The following DDX25 variants were observed in gnomAD, a reference collection of about 807,000 sequenced individuals.
DDX25 encodes the protein ATP-dependent RNA helicase DDX25.
Under a neutral mutation model 64.6 loss-of-function variants are expected in DDX25, and 70 were observed. The ratio of observed to expected loss-of-function variants is 1.08; its 90% CI spans 0.89 to 1.32. The LOEUF (loss-of-function observed/expected upper bound fraction) is 1.32, where lower values mean the gene tolerates loss of function less well. Ranked by LOEUF, DDX25 falls within the 40% of genes most tolerant of loss-of-function variation. The pLI, the probability that DDX25 is intolerant of heterozygous loss-of-function variation, is 0.00. For synonymous variants in DDX25, 211 were observed against 213.3 expected (o/e 0.99, Z 0.09); for missense variants, 587 against 604.4 (o/e 0.97, Z 0.30).
rs908659005 is a variant in DDX25, at chr11:125,921,656, C to T, written c.1390+277C>T. The T allele has an allele frequency of 4.6e-5, 14 of 304,932 alleles. No individual in the cohort carries two copies. In the East Asian group the frequency reaches 6.1e-4, roughly 13 times the overall value. The allele number at this position is 304,932 out of a possible 1,614,324, so 18.9% of individuals were successfully genotyped here. On this transcript the variant is annotated intron_variant, in intron 11 of 11. Transcript: ENST00000263576. The surrounding 1 kb of genome is among the most constrained non-coding windows in gnomAD (Gnocchi z 4.1). Reference sequence around the variant, plus strand: ...CTGTAATCCCAGCACTTTGGGAGGCCGAGGTGGTCAGATCATGAGGTCAGG... The same window carrying T: ...CTGTAATCCCAGCACTTTGGGAGGCTGAGGTGGTCAGATCATGAGGTCAGG...
intron 7 of DDX25, among the ~76,000 whole-genome samples, chr11:125,910,730 T>A (rs1944955466): frequency 6.6e-6 from 1 of 152,198 alleles, no homozygotes; most frequent in African/African-American, 2.4e-5. Flanking sequence ...TGTCCGTAAT[T>A]CAACACTTGG....
At chr11:125,905,646 T>G in intron 3 of DDX25, 49 bp downstream of exon 3, 1 of 1,515,370 alleles carries the variant, frequency 6.6e-7, no homozygotes, top group Non-Finnish European at 9.0e-7. Flanking sequence ...CTGTTTCCGT[T>G]TATAACTTTA....
intron 7 of DDX25, 95 bp from the exon 8 acceptor site, chr11:125,911,216 T>C: frequency 8.7e-7 from 1 of 1,152,112 alleles, no homozygotes; most frequent in Non-Finnish European, 1.1e-6. Context: ...ACAAACTGTA[T>C]TTTTGCTTAT....
chr11:125,921,576 T>G lies in DDX25; in HGVS notation c.1390+197T>G, dbSNP rs927981366. 1 of 609,394 alleles carries G rather than the reference T, an allele frequency of 1.6e-6. No homozygotes were observed. Among genetic ancestry groups the G allele is most frequent in the Non-Finnish European group, 2.7e-6 (1 of 371,034 alleles). The allele number at this position is 609,394 out of a possible 1,614,324, so 37.7% of individuals were successfully genotyped here. On this transcript the variant is annotated intron_variant, in intron 11 of 11. Transcript: ENST00000263576. The surrounding 1 kb of genome is among the most constrained non-coding windows in gnomAD (Gnocchi z 4.1). The stretch of plus-strand genomic sequence containing the variant: ...ATAATGCTTATATGGTAATTAAAAA[T>G]TATTTTGATCAAGCAGAATTAATAT...
chr11:125,910,468 A>T lies in DDX25; in HGVS notation c.612A>T (p.Arg204=), dbSNP rs768141649. The T allele has an allele frequency of 6.2e-7, 1 of 1,613,940 alleles. No homozygotes were observed. The highest frequency in any genetic ancestry group is 8.5e-7 in the Non-Finnish European group (1 of 1,179,846). The change falls in exon 7 of 12, where the codon CGA becomes CGT. Residue 204 remains arginine, a synonymous_variant. Transcript: ENST00000263576. ...CVDVQVMYAI[R]GNRIPRGTDI... ...ATGTTCAAGTGATGTATGCCATTCGAGGGAATCGAAGTATGTACCAGTAAG... is the reference window on the plus strand; with the variant it reads ...ATGTTCAAGTGATGTATGCCATTCGTGGGAATCGAAGTATGTACCAGTAAG...
rs1356796795 is a variant in DDX25, at chr11:125,923,260, G to GA, written c.*384dup. The GA allele has an allele frequency of 5.8e-6, 1 of 173,582 alleles. No homozygotes were observed. The highest frequency in any genetic ancestry group is 1.6e-4 in the East Asian group (1 of 6,362). 10.8% of individuals were successfully genotyped at this position (173,582 alleles called of 1,614,324 possible). A position where few individuals can be genotyped will look rare whatever the true frequency, so the allele number is the denominator to read the frequency against. ...CTGATTTTGGAAGCGGAGCGAGTAGGAAAAAGCCCATGTCTTCAGACCTCA... is the reference window on the plus strand; with the variant it reads ...CTGATTTTGGAAGCGGAGCGAGTAGGAAAAAAGCCCATGTCTTCAGACCTCA... On this transcript the variant is annotated 3_prime_UTR_variant, in exon 12 of 12. Coordinates refer to ENST00000263576, the MANE Select transcript of DDX25 (RefSeq NM_013264.5).
chr11:125,906,178 T>G lies in DDX25; in HGVS notation c.280T>G (p.Tyr94Asp). 1.3e-6 allele frequency: 2 copies of G among 1,550,184 alleles called. No individual in the cohort carries two copies. The highest frequency in any genetic ancestry group is 2.4e-5 in the South Asian group (2 of 83,490). Reference sequence around the variant, plus strand: ...ACAGAAGGATCCCAGCTCTCCACTTTACTCAGTAAAGACATTTGAAGAGCT... The same window carrying G: ...ACAGAAGGATCCCAGCTCTCCACTTGACTCAGTAAAGACATTTGAAGAGCT... ...VLQKDPSSPL[Y>D]SVKTFEELRL... The change falls in exon 4 of 12, where the codon TAC becomes GAC. Residue 94 changes from tyrosine to aspartate, a missense_variant. By Grantham distance (160) the Tyr-to-Asp change is radical. Transcript: ENST00000263576.
chr11:125,905,675 A>G (rs1944873749), intron 3 of DDX25, 78 bp downstream of exon 3: 1 of 1,399,008 alleles, frequency 7.1e-7, no homozygotes, highest in African/African-American at 1.4e-5. Flanking sequence ...AGTGAATAAT[A>G]TAATCTCAAT....
intron 4 of DDX25, 80 bp downstream of exon 4, chr11:125,906,289 C>G: frequency 7.0e-7 from 1 of 1,418,860 alleles, no homozygotes; most frequent in Non-Finnish European, 9.2e-7. Flanking sequence ...TAAAAACCAT[C>G]AGGATCTCCT....
rs1201663510 is a variant in DDX25, at chr11:125,911,297, C to T, written c.623-14C>T. On this transcript the variant is annotated splice_polypyrimidine_tract_variant and intron_variant, in intron 7 of 11. Transcript: ENST00000263576. ...TTGCATCTGAAGGAGTGCTTAAAACCCTTTTCTCCCCAGTTCCCAGAGGCA... is the reference window on the plus strand; with the variant it reads ...TTGCATCTGAAGGAGTGCTTAAAACTCTTTTCTCCCCAGTTCCCAGAGGCA... 5.0e-6 allele frequency: 8 copies of T among 1,602,074 alleles called. No homozygotes were observed. Among genetic ancestry groups the T allele is most frequent in the Non-Finnish European group, 6.8e-6 (8 of 1,174,054 alleles).
intron 4 of DDX25, among the ~76,000 whole-genome samples, chr11:125,907,376 AG>A (rs1187273767): frequency 2.0e-5 from 3 of 152,226 alleles, no homozygotes; most frequent in East Asian, 1.9e-4. Context: ...TGGGAGGCCA[AG>A]GGGGGCGGAT....
At position 125,923,155 on chromosome 11, in the gene DDX25, T is replaced by G. The variant is rs1945135229; in HGVS notation, c.*274T>G. 2.6e-6 allele frequency: 1 copy of G among 384,906 alleles called. No homozygotes were observed. 23.8% of individuals were successfully genotyped at this position (384,906 alleles called of 1,614,324 possible). On this transcript the variant is annotated 3_prime_UTR_variant, in exon 12 of 12. Coordinates refer to ENST00000263576, the MANE Select transcript of DDX25 (RefSeq NM_013264.5). The stretch of plus-strand genomic sequence containing the variant: ...TCAATGTGGGCTATGGGGGTGTTTT[T>G]GGATTTGGTTGATACAATCTGAGCA...
At chr11:125,905,728 T>A in intron 3 of DDX25, 131 bp downstream of exon 3, 1 of 912,704 alleles carries the variant, frequency 1.1e-6, no homozygotes, top group Non-Finnish European at 1.7e-6. Flanking sequence ...ATAGTGACTA[T>A]CAGGAGACAC....
In DDX25 at chr11:125,925,814, A is replaced by G. The variant is rs368720439; in HGVS notation, c.*2933A>G. The G allele has an allele frequency of 5.3e-6, 1 of 188,832 alleles. No individual in the cohort carries two copies. The highest frequency in any genetic ancestry group is 1.1e-5 in the Non-Finnish European group (1 of 88,676). 11.7% of individuals were successfully genotyped at this position (188,832 alleles called of 1,614,324 possible). On this transcript the variant is annotated 3_prime_UTR_variant, in exon 12 of 12. Transcript: ENST00000263576. Reference sequence around the variant, plus strand: ...CCATTAATAATAGGAAAGGCAAATAAGTTGGTCATAGTCTGGTAGGATGTG... The same window carrying G: ...CCATTAATAATAGGAAAGGCAAATAGGTTGGTCATAGTCTGGTAGGATGTG...
upstream of DDX25, among the ~76,000 whole-genome samples, chr11:125,904,143 G>A (rs1476978389): frequency 1.3e-5 from 2 of 152,224 alleles, no homozygotes; most frequent in African/African-American, 4.8e-5. Context: ...GGCGTAAAGC[G>A]CGGCGGGGAG....
intron 5 of DDX25, 32 bp downstream of exon 5, chr11:125,908,320 G>A (rs371750317): frequency 6.2e-7 from 1 of 1,613,016 alleles, no homozygotes; most frequent in Non-Finnish European, 8.5e-7. Flanking sequence ...ATTCTACTTG[G>A]TTATGTTTAG....
At chr11:125,911,596 C>A in intron 8 of DDX25, 108 bp downstream of exon 8, 1 of 1,139,468 alleles carries the variant, frequency 8.8e-7, no homozygotes, top group Non-Finnish European at 1.2e-6. Context: ...ACCACCTTCA[C>A]CTCTAAAATA....
At chr11:125,909,462 G>GT (rs949397425) in intron 6 of DDX25, among the ~76,000 whole-genome samples, 24 of 151,926 alleles carry the variant, frequency 1.6e-4, no homozygotes, top group Middle Eastern at 3.4e-3. Flanking sequence ...AGATATTACC[G>GT]TTTTTTTCCA....
chr11:125,912,120 C>A (rs1944975536), intron 8 of DDX25, among the ~76,000 whole-genome samples: 1 of 152,140 alleles, frequency 6.6e-6, no homozygotes, highest in South Asian at 2.1e-4. Context: ...AAAACAGTAA[C>A]CCCTTGCTCC....
Sources: gnomAD v4.1 joint callset for allele counts (sites outside exome capture counted in the v4.1 genomes callset) on GRCh38, gnomAD v4.1.1 for gene constraint, Gnocchi (gnomAD v3.1) non-coding constraint, MANE v1.5 for transcripts, NCBI Gene and HGNC (gene_info 2026-07-23, HGNC 2026-07-21) for gene names.